Variants in GLI3 observed in about 807,000 individuals in gnomAD.
The protein encoded by GLI3 is transcription activator GLI3.
GLI3 carries 20 observed loss-of-function variants against 100.8 expected under a neutral mutation model. The observed-to-expected ratio is 0.20, with a 90% CI of 0.14 to 0.29. The LOEUF is 0.29. Among genes scored for constraint, GLI3 ranks in the 10% least tolerant of loss-of-function variants. The pLI, the probability that GLI3 is intolerant of heterozygous loss-of-function variation, is 1.00. For missense variants in GLI3, 2,040 were observed against 2,128.5 expected, an observed-to-expected ratio of 0.96 and a Z score of 0.82; for synonymous variants, 938 against 860.5, an observed-to-expected ratio of 1.09 and a Z score of -1.58.
chr7:42,132,892 G>A (rs570419047), intron 3 of GLI3, among the ~76,000 whole-genome samples: 2 of 151,556 alleles, frequency 1.3e-5, no homozygotes, highest in East Asian at 1.9e-4. Context: ...GACCCTAAAA[G>A]GTATTTAAAC....
chr7:42,132,870 G>A (rs1363766185), intron 3 of GLI3, among the ~76,000 whole-genome samples: 10 of 151,070 alleles, frequency 6.6e-5, no homozygotes, highest in African/African-American at 2.4e-4. Context: ...ATTAAACTGA[G>A]ACTGGAAAAA....
intron 10 of GLI3, among the ~76,000 whole-genome samples, chr7:41,990,273 C>T (rs1230327676): frequency 6.6e-6 from 1 of 152,102 alleles, no homozygotes; most frequent in Non-Finnish European, 1.5e-5. Context: ...TAGAAGTACA[C>T]AGAACATTAG....
chr7:42,102,645 A>C (rs1463350358), intron 3 of GLI3, among the ~76,000 whole-genome samples: 2 of 152,236 alleles, frequency 1.3e-5, no homozygotes, highest in African/African-American at 4.8e-5. Context: ...CAGGCAAGTT[A>C]CACCAAATCT....
chr7:42,128,011 C>T (rs1361141850), intron 3 of GLI3, among the ~76,000 whole-genome samples: 2 of 128,402 alleles, frequency 1.6e-5, no homozygotes, highest in Non-Finnish European at 3.3e-5. Context: ...AGAGCAAGAC[C>T]CTGACTCAAA....
intron 2 of GLI3, among the ~76,000 whole-genome samples, chr7:42,185,916 G>A (rs1234573458): frequency 6.6e-6 from 1 of 152,180 alleles, no homozygotes; most frequent in Admixed American, 6.5e-5. Flanking sequence ...CTTTGGGCCA[G>A]GGCAGCCATT....
intron 1 of GLI3, among the ~76,000 whole-genome samples, chr7:42,258,358 G>A (rs1034770055): frequency 6.6e-6 from 1 of 152,020 alleles, no homozygotes; most frequent in Admixed American, 6.5e-5. Context: ...TGTCTTTTTT[G>A]TTGTTGATAA....
chr7:42,247,592 G>A (rs1788988732), intron 1 of GLI3, among the ~76,000 whole-genome samples: 1 of 152,218 alleles, frequency 6.6e-6, no homozygotes, highest in African/African-American at 2.4e-5. Context: ...CTGCTTCCGT[G>A]TAAGTTTGTG....
chr7:42,196,185 C>A (rs992564537), intron 2 of GLI3, among the ~76,000 whole-genome samples: 1 of 152,170 alleles, frequency 6.6e-6, no homozygotes, highest in South Asian at 2.1e-4. Context: ...TTTTCATGGT[C>A]CTACAAAATG....
chr7:42,233,063 G>C (rs1788725613), intron 1 of GLI3, among the ~76,000 whole-genome samples: 1 of 152,174 alleles, frequency 6.6e-6, no homozygotes, highest in African/African-American at 2.4e-5. Flanking sequence ...TGTAAAGTTT[G>C]CGATCAAATG....
Position 41,962,946 on chromosome 7 carries a change from T to C in GLI3, c.*1384A>G, listed in dbSNP as rs2128704115. ...CTTTGTGCACACACAGTATGACTTTTATGTGTATCAAATGCACGTGGGGAG... is the reference window on the plus strand; with the variant it reads ...CTTTGTGCACACACAGTATGACTTTCATGTGTATCAAATGCACGTGGGGAG... On this transcript the variant is annotated 3_prime_UTR_variant, in exon 15 of 15. Coordinates refer to ENST00000395925, the MANE Select transcript of GLI3 (RefSeq NM_000168.6). 6.6e-6 allele frequency: 1 copy of C among 152,352 alleles called. No individual in the cohort carries two copies. The highest frequency in any genetic ancestry group is 1.9e-4 in the East Asian group (1 of 5,186). 9.4% of individuals were successfully genotyped at this position (152,352 alleles called of 1,614,324 possible).
At position 42,020,800 on chromosome 7, in the gene GLI3, G is replaced by A. The variant is rs1389860282; in HGVS notation, c.1497+2668C>T. On this transcript the variant is annotated intron_variant, in intron 10 of 14. Transcript: ENST00000395925. ...AGCTACTCGGGAGGCTGAGGCAGGA[G>A]AATGGCGTGAACCTGGGAGGCGGAG... Among the ~76,000 whole-genome samples the A allele has an allele frequency of 2.6e-5, 4 of 151,702 alleles. No individual in the cohort carries two copies. The East Asian group carries it at 7.7e-4, about 29-fold the overall frequency.
intron 3 of GLI3, among the ~76,000 whole-genome samples, chr7:42,104,620 A>G (rs1223104615): frequency 1.3e-5 from 2 of 152,204 alleles, no homozygotes; most frequent in Admixed American, 6.5e-5. Flanking sequence ...AGGTTTAAAG[A>G]TGGATTGATT....
intron 2 of GLI3, among the ~76,000 whole-genome samples, chr7:42,184,853 C>A (rs1787687757): frequency 6.6e-6 from 1 of 152,106 alleles, no homozygotes; most frequent in Non-Finnish European, 1.5e-5. Context: ...CCACTGGACC[C>A]CTGTGGGGTC....
intron 4 of GLI3, among the ~76,000 whole-genome samples, chr7:42,050,044 C>A (rs771955886): frequency 1.3e-5 from 2 of 152,134 alleles, no homozygotes; most frequent in Admixed American, 1.3e-4. Flanking sequence ...AAGTGCACAG[C>A]GCAGACACTG....
rs1008738026 is a variant in GLI3, at chr7:42,110,951, C to A, written c.368-34094G>T. On this transcript the variant is annotated intron_variant, in intron 3 of 14. Coordinates refer to ENST00000395925, the MANE Select transcript of GLI3 (RefSeq NM_000168.6). Reference sequence around the variant, plus strand: ...AGAACGACAAGAGTCCAGAACAGCACGAGCTTTGGAAACCAGTCAAACTTG... The same window carrying A: ...AGAACGACAAGAGTCCAGAACAGCAAGAGCTTTGGAAACCAGTCAAACTTG... Among the ~76,000 whole-genome samples the A allele has an allele frequency of 5.3e-5, 8 of 152,112 alleles. No homozygotes were observed. In the East Asian group the frequency reaches 1.5e-3, roughly 29 times the overall value.
chr7:42,088,217 G>C (rs1289433583), intron 3 of GLI3, among the ~76,000 whole-genome samples: 1 of 152,208 alleles, frequency 6.6e-6, no homozygotes, highest in East Asian at 1.9e-4. Flanking sequence ...GGTATCATCT[G>C]AAGGAGTCCG....
intron 1 of GLI3, among the ~76,000 whole-genome samples, chr7:42,252,398 G>C (rs1164093331): frequency 6.6e-6 from 1 of 151,984 alleles, no homozygotes; most frequent in Admixed American, 6.6e-5. Flanking sequence ...TTAGTACCTG[G>C]GTGATGAAAT....
intron 10 of GLI3, among the ~76,000 whole-genome samples, chr7:42,001,302 G>A (rs1469547816): frequency 1.3e-5 from 2 of 149,862 alleles, no homozygotes; most frequent in African/African-American, 2.5e-5. Flanking sequence ...CTCCCAAAGA[G>A]GAAAGCACAA....
rs369237977 is a variant in GLI3, at chr7:42,148,370, G to C, written c.223C>G (p.Pro75Ala). The change falls in exon 3 of 15, where the codon CCT (proline) becomes GCT (alanine). Residue 75 changes from proline (P) to alanine (A), a missense_variant. Coordinates refer to ENST00000395925, the MANE Select transcript of GLI3 (RefSeq NM_000168.6). ...GCCCTCTCGTCACTCGATGTTGAAG[G>C]TTCCTCACTGACTTTGCTGAGCCCC... ...VQGLSKVSEE[P>A]STSSDERASL... The C allele has an allele frequency of 7.1e-5, 115 of 1,614,044 alleles. No homozygotes were observed. Among genetic ancestry groups the C allele is most frequent in the Middle Eastern group, 6.6e-4 (4 of 6,084 alleles).
Sources: allele counts gnomAD v4.1 joint callset (sites outside exome capture counted in the v4.1 genomes callset), GRCh38; gene constraint gnomAD v4.1.1; transcripts MANE v1.5; gene names NCBI Gene and HGNC (gene_info 2026-07-23, HGNC 2026-07-21).